The following PRKCA variants were observed in gnomAD, a reference collection of about 807,000 sequenced individuals.
PRKCA encodes the protein protein kinase C alpha type.
Under a neutral mutation model 87.0 loss-of-function variants are expected in PRKCA, and 27 were observed. That is an observed-to-expected ratio of 0.31 (90% CI 0.23 to 0.43). The LOEUF (loss-of-function observed/expected upper bound fraction) is 0.43. Among genes scored for constraint, PRKCA ranks in the 20% least tolerant of loss-of-function variants. The probability of loss-of-function intolerance (pLI) is 1.00; values close to 1 mark genes in which losing one functional copy is unlikely to be tolerated. For synonymous variants in PRKCA, 329 were observed against 311.1 expected, an observed-to-expected ratio of 1.06 and a Z score of -0.61; for missense variants, 518 against 852.3, an observed-to-expected ratio of 0.61 and a Z score of 4.88.
intron 8 of PRKCA, chr17:66,703,499 T>G (rs1465087113): frequency 1.3e-5 from 2 of 151,904 alleles, no homozygotes; most frequent in African/African-American, 4.8e-5. Flanking sequence ...TTTTAATAAG[T>G]AGAAAAAAAT....
At chr17:66,628,606 C>G (rs1970923539) in intron 3 of PRKCA, among the ~76,000 whole-genome samples, 1 of 151,946 alleles carries the variant, frequency 6.6e-6, no homozygotes, top group South Asian at 2.1e-4. Flanking sequence ...ATGGTTTTAC[C>G]TACTTAAAAG....
At chr17:66,688,884 G>A (rs763583252) in intron 7 of PRKCA, 67 bp from the exon 8 acceptor site, 69 of 1,008,440 alleles carry the variant, frequency 6.8e-5, no homozygotes, top group African/African-American at 5.2e-4. Flanking sequence ...AAAACCGCTC[G>A]ACTAGAGGCT....
chr17:66,530,025 C>T lies in PRKCA; in HGVS notation c.288+33742C>T, dbSNP rs144783312. Among the ~76,000 whole-genome samples the T allele has an allele frequency of 5.0e-4, 76 of 152,286 alleles. No individual in the cohort carries two copies. The East Asian group carries it at 7.0e-3, about 14-fold the overall frequency. ...GGATTCCTTTTGCTGCTAGGAACCA[C>T]GTTAGCTTTGGATTGTCCATAGAAT... is the stretch of plus-strand genomic sequence containing the variant. On this transcript the variant is annotated intron_variant, in intron 3 of 16. Transcript: ENST00000413366.
intron 2 of PRKCA, among the ~76,000 whole-genome samples, chr17:66,453,223 G>T (rs544270695): frequency 6.6e-6 from 1 of 152,282 alleles, no homozygotes; most frequent in Non-Finnish European, 1.5e-5. Context: ...TTGGGGACTT[G>T]AGGGAATCCC....
chr17:66,309,689 C>G (rs1224634181), intron 2 of PRKCA, among the ~76,000 whole-genome samples: 1 of 152,174 alleles, frequency 6.6e-6, no homozygotes, highest in African/African-American at 2.4e-5. Context: ...TTTTACATGA[C>G]TTGGAGTTGC....
chr17:66,400,096 TAC>T (rs1188844074), intron 2 of PRKCA, among the ~76,000 whole-genome samples: 1 of 152,338 alleles, frequency 6.6e-6, no homozygotes, highest in African/African-American at 2.4e-5. Flanking sequence ...TGAATAAAAT[TAC>T]AGTTTTAACC....
At chr17:66,669,325 G>A (rs907183104) in intron 5 of PRKCA, among the ~76,000 whole-genome samples, 3 of 152,094 alleles carry the variant, frequency 2.0e-5, no homozygotes, top group Non-Finnish European at 4.4e-5. Flanking sequence ...AGCAGAATTG[G>A]CATTGCAGAA....
At chr17:66,414,744 C>T (rs375792177) in intron 2 of PRKCA, among the ~76,000 whole-genome samples, 160 of 152,216 alleles carry the variant, frequency 1.1e-3, no homozygotes, top group African/African-American at 3.7e-3. Flanking sequence ...GTCTGGTGAA[C>T]GCCAGGTGTA....
At chr17:66,482,288 C>T (rs1915823341) in intron 2 of PRKCA, among the ~76,000 whole-genome samples, 1 of 151,960 alleles carries the variant, frequency 6.6e-6, no homozygotes, top group Non-Finnish European at 1.5e-5. Context: ...TTAGGGCATG[C>T]AATCATTGAC....
Position 66,461,955 on chromosome 17 carries a change from G to GAGGAGGAGACTGGGGTTCCTAACTACCA in PRKCA, c.206-34244_206-34243insGAGGAGACTGGGGTTCCTAACTACCAAG, listed in dbSNP as rs1567841516. ...GAGGAGACTGGGGTTCCTAACTACC[G>GAGGAGGAGACTGGGGTTCCTAACTACCA]AGCATGCTTCTATGGGATGTCATTG... is the stretch of plus-strand genomic sequence containing the variant. On this transcript the variant is annotated intron_variant, in intron 2 of 16. Transcript: ENST00000413366. Among the ~76,000 whole-genome samples, 235 of 151,560 alleles carry GAGGAGGAGACTGGGGTTCCTAACTACCA rather than the reference G, an allele frequency of 1.6e-3. 9 individuals carry two copies. Among genetic ancestry groups the GAGGAGGAGACTGGGGTTCCTAACTACCA allele is most frequent in the African/African-American group, 5.5e-3 (225 of 40,896 alleles).
intron 2 of PRKCA, among the ~76,000 whole-genome samples, chr17:66,487,186 TCTC>T (rs1279770183): frequency 2.6e-5 from 4 of 152,254 alleles, no homozygotes; most frequent in African/African-American, 9.6e-5. Flanking sequence ...TTCATCCCTT[TCTC>T]CTCTTTTTTC....
intron 5 of PRKCA, among the ~76,000 whole-genome samples, chr17:66,652,084 G>A (rs915568339): frequency 6.6e-6 from 1 of 151,990 alleles, no homozygotes; most frequent in Admixed American, 6.6e-5. Flanking sequence ...TCAGCCTCTC[G>A]AGTAGTTGGG....
chr17:66,710,866 C>T (rs1973307829), intron 8 of PRKCA, among the ~76,000 whole-genome samples: 1 of 148,806 alleles, frequency 6.7e-6, no homozygotes, highest in African/African-American at 2.5e-5. Flanking sequence ...CCCGTCTCTA[C>T]CAAAAAACAA....
chr17:66,473,388 G>C (rs928069558), intron 2 of PRKCA, among the ~76,000 whole-genome samples: 3 of 152,130 alleles, frequency 2.0e-5, no homozygotes, highest in African/African-American at 7.2e-5. Context: ...CTTCCTTTCA[G>C]CTGGAGCCGC....
At chr17:66,457,577 A>C (rs1172367849) in intron 2 of PRKCA, among the ~76,000 whole-genome samples, 1 of 152,108 alleles carries the variant, frequency 6.6e-6, no homozygotes, top group African/African-American at 2.4e-5. Flanking sequence ...CATAATCCCC[A>C]TGTGGAAGGG....
intron 3 of PRKCA, among the ~76,000 whole-genome samples, chr17:66,578,574 T>C (rs1431516473): frequency 1.3e-5 from 2 of 150,672 alleles, no homozygotes; most frequent in Non-Finnish European, 3.0e-5. Context: ...TGGTTTGGTT[T>C]GCACAAACCA....
At chr17:66,568,174 C>G (rs1968956696) in intron 3 of PRKCA, among the ~76,000 whole-genome samples, 1 of 152,048 alleles carries the variant, frequency 6.6e-6, no homozygotes. Context: ...ATTAGCTGGG[C>G]ATGGTGGCAC....
chr17:66,515,298 T>C (rs1023557793), intron 3 of PRKCA, among the ~76,000 whole-genome samples: 11 of 137,774 alleles, frequency 8.0e-5, no homozygotes, highest in Admixed American at 3.7e-4. Context: ...AAGAAGGGAA[T>C]GAATGTTGGA....
chr17:66,415,824 G>A (rs1912111176), intron 2 of PRKCA: 1 of 152,142 alleles, frequency 6.6e-6, no homozygotes, highest in African/African-American at 2.4e-5. Context: ...GCTCAAACTT[G>A]TTGGGTGGAC....
Sources: allele counts gnomAD v4.1 joint callset (sites outside exome capture counted in the v4.1 genomes callset), GRCh38; gene constraint gnomAD v4.1.1; transcripts MANE v1.5; gene names NCBI Gene and HGNC (gene_info 2026-07-23, HGNC 2026-07-21).